CDC42BPB: variants seen among roughly 807,000 people sequenced by gnomAD.
CDC42BPB encodes CDC42 binding protein kinase beta.
CDC42BPB carries 37 observed loss-of-function variants against 214.9 expected under a neutral mutation model. That is an observed-to-expected ratio of 0.17 (90% CI 0.13 to 0.23). The LOEUF is 0.23. Ranked by LOEUF, CDC42BPB falls within the 10% of genes least tolerant of loss-of-function variation. The probability of loss-of-function intolerance (pLI) is 1.00; values close to 1 mark genes in which losing one functional copy is unlikely to be tolerated. For synonymous variants in CDC42BPB, 931 were observed against 884.0 expected, an observed-to-expected ratio of 1.05 and a Z score of -0.94; for missense variants, 1,694 against 2,227.0, an observed-to-expected ratio of 0.76 and a Z score of 4.82.
At chr14:103,020,096 G>A (rs1886684208) in intron 1 of CDC42BPB, among the ~76,000 whole-genome samples, 1 of 152,248 alleles carries the variant, frequency 6.6e-6, no homozygotes, top group Non-Finnish European at 1.5e-5. Context: ...CCCCTGTCCG[G>A]CAGAAGCTCT....
At chr14:103,013,532 G>T (rs576543473) in intron 1 of CDC42BPB, among the ~76,000 whole-genome samples, 50 of 152,314 alleles carry the variant, frequency 3.3e-4, no homozygotes, top group African/African-American at 1.2e-3. Context: ...ATTTGGAAAC[G>T]GTCCTTACAG....
intron 5 of CDC42BPB, among the ~76,000 whole-genome samples, chr14:102,996,156 G>C (rs992101546): frequency 2.0e-5 from 3 of 152,052 alleles, no homozygotes; most frequent in African/African-American, 7.2e-5. Context: ...TGGCTAACAC[G>C]GTGAAACCCC....
intron 26 of CDC42BPB, 81 bp from the exon 27 acceptor site, chr14:102,947,883 C>A: frequency 1.2e-6 from 2 of 1,600,838 alleles, no homozygotes; most frequent in South Asian, 2.2e-5. Flanking sequence ...CCTGCCCTGC[C>A]CTGCCATGTC....
At chr14:102,936,273 C>G (rs1312376410) in intron 36 of CDC42BPB, among the ~76,000 whole-genome samples, 1 of 152,224 alleles carries the variant, frequency 6.6e-6, no homozygotes, top group Non-Finnish European at 1.5e-5. Context: ...TGAAAACAGG[C>G]ACTCAAACAC....
At chr14:102,967,406 A>T (rs1477848750) in intron 16 of CDC42BPB, 4 of 957,548 alleles carry the variant, frequency 4.2e-6, no homozygotes, top group Non-Finnish European at 5.0e-6. Flanking sequence ...GGCAATTGGC[A>T]TCTTTTCGCT....
intron 26 of CDC42BPB, among the ~76,000 whole-genome samples, chr14:102,948,762 GT>G (rs1892340145): frequency 6.6e-6 from 1 of 151,290 alleles, no homozygotes; most frequent in South Asian, 2.1e-4. Flanking sequence ...TGGAAATGCT[GT>G]TCTGAAGAGG....
intron 1 of CDC42BPB, among the ~76,000 whole-genome samples, chr14:103,035,095 T>A (rs1044984341): frequency 2.6e-5 from 4 of 151,882 alleles, no homozygotes; most frequent in Admixed American, 6.6e-5. Context: ...TCGCTTTTGT[T>A]GCCCAGGCTG....
At chr14:102,988,871 CAAAAA>C in intron 5 of CDC42BPB, among the ~76,000 whole-genome samples, 1 of 116,786 alleles carries the variant, frequency 8.6e-6, no homozygotes, top group African/African-American at 3.2e-5. Flanking sequence ...CCCCCCCTTC[CAAAAA>C]AAAAAAAAAA....
intron 21 of CDC42BPB, chr14:102,956,359 T>G: frequency 1.5e-6 from 1 of 666,576 alleles, no homozygotes; most frequent in Non-Finnish European, 1.9e-6. Flanking sequence ...GAAGATATAT[T>G]GACTTAATCT....
intron 5 of CDC42BPB, among the ~76,000 whole-genome samples, chr14:102,992,156 A>G (rs1053045084): frequency 6.6e-6 from 1 of 152,134 alleles, no homozygotes; most frequent in Admixed American, 6.5e-5. Context: ...GGGAGCCCCA[A>G]GGGGGCTTAT....
rs34984458 is a variant in CDC42BPB, at chr14:102,967,605, C to G, written c.2347-435G>C. 1.1e-3 allele frequency among the ~76,000 whole-genome samples: 167 copies of G among 152,344 alleles called. 2 individuals carry two copies. In the East Asian group the frequency reaches 0.03, roughly 27 times the overall value. On this transcript the variant is annotated intron_variant, in intron 16 of 36. Transcript: ENST00000361246. ...GGCCCTGTGGTACAGCCTGTCAATT[C>G]CAGGCCCCAAGCCTGCATACCATGT...
intron 26 of CDC42BPB, among the ~76,000 whole-genome samples, chr14:102,949,446 T>C (rs2030493651): frequency 6.6e-6 from 1 of 152,006 alleles, no homozygotes. Flanking sequence ...CTGGGATATC[T>C]TCTGCTTGTT....
chr14:102,994,090 C>T (rs1001925059), intron 5 of CDC42BPB, among the ~76,000 whole-genome samples: 23 of 152,230 alleles, frequency 1.5e-4, no homozygotes, highest in Non-Finnish European at 2.9e-4. Context: ...AAGGAGGCGC[C>T]GAGACACGCC....
At chr14:103,029,342 C>T (rs1210568154) in intron 1 of CDC42BPB, among the ~76,000 whole-genome samples, 2 of 149,598 alleles carry the variant, frequency 1.3e-5, no homozygotes, top group African/African-American at 2.5e-5. Flanking sequence ...GAGATCGAAA[C>T]CATCCTGGCT....
intron 1 of CDC42BPB, chr14:103,041,383 C>A (rs750601579): frequency 7.4e-6 from 4 of 542,228 alleles, no homozygotes; most frequent in Non-Finnish European, 1.3e-5. Context: ...CCTTGCACTG[C>A]CAATGGATTG....
At chr14:102,999,862 T>C in intron 4 of CDC42BPB, 149 bp from the exon 5 acceptor site, 2 of 1,459,728 alleles carry the variant, frequency 1.4e-6, no homozygotes, top group Non-Finnish European at 1.8e-6. Flanking sequence ...AAGACCCTCC[T>C]TCTGGAACAT....
chr14:102,967,298 T>C, intron 16 of CDC42BPB, 128 bp from the exon 17 acceptor site: 1 of 1,419,438 alleles, frequency 7.0e-7, no homozygotes, highest in South Asian at 1.6e-5. Flanking sequence ...TTTTCCAAAC[T>C]AAGTTCATGA....
chr14:103,009,152 T>C (rs1201951164), intron 2 of CDC42BPB, among the ~76,000 whole-genome samples: 1 of 152,236 alleles, frequency 6.6e-6, no homozygotes, highest in African/African-American at 2.4e-5. Context: ...TGACAGCGGC[T>C]TCCATACCTT....
chr14:103,000,381 A>AG (rs1322181731), intron 4 of CDC42BPB, among the ~76,000 whole-genome samples: 25 of 152,240 alleles, frequency 1.6e-4, no homozygotes, highest in African/African-American at 6.0e-4. Context: ...GCTCTGCCTG[A>AG]GGACAGCCTG....
Sources: gnomAD v4.1 joint callset for allele counts (sites outside exome capture counted in the v4.1 genomes callset) on GRCh38, gnomAD v4.1.1 for gene constraint, MANE v1.5 for transcripts, NCBI Gene and HGNC (gene_info 2026-07-23, HGNC 2026-07-21) for gene names.